Variants in DDAH1 observed in about 807,000 individuals in gnomAD.
DDAH1 encodes the protein dimethylarginine dimethylaminohydrolase 1.
A neutral mutation model predicts 28.8 loss-of-function variants in DDAH1; 19 were observed. That is an observed-to-expected ratio of 0.66 (90% CI 0.46 to 0.97). DDAH1 has a LOEUF of 0.97. Ranked by LOEUF, DDAH1 falls within the 50% of genes least tolerant of loss-of-function variation. DDAH1 has a pLI of 0.00. For missense variants in DDAH1, 326 were observed against 375.9 expected (o/e 0.87, Z 1.10); for synonymous variants, 153 against 154.4 (o/e 0.99, Z 0.07).
At chr1:85,452,914 T>G (rs1654728623) in intron 1 of DDAH1, among the ~76,000 whole-genome samples, 1 of 152,234 alleles carries the variant, frequency 6.6e-6, no homozygotes, top group Admixed American at 6.5e-5. Flanking sequence ...TAAACATTTT[T>G]GATAATCCAC....
upstream of DDAH1, among the ~76,000 whole-genome samples, chr1:85,465,626 A>C (rs144701484): frequency 6.6e-6 from 1 of 152,178 alleles, no homozygotes; most frequent in Admixed American, 6.5e-5. Flanking sequence ...CACGGGTCCC[A>C]GTTCTGTTTT....
chr1:85,411,403 G>A (rs1488524252), intron 1 of DDAH1, among the ~76,000 whole-genome samples: 1 of 152,152 alleles, frequency 6.6e-6, no homozygotes, highest in Non-Finnish European at 1.5e-5. Context: ...AAGGTAACAG[G>A]CCTGCCTTAA....
At chr1:85,555,326 T>A (rs972486904) in intron 1 of DDAH1, among the ~76,000 whole-genome samples, 5 of 152,254 alleles carry the variant, frequency 3.3e-5, no homozygotes, top group Non-Finnish European at 5.9e-5. Context: ...ACATTTATCG[T>A]CTGTCAGCCA....
At chr1:85,572,111 C>T (rs1659474289) in intron 1 of DDAH1, among the ~76,000 whole-genome samples, 1 of 152,174 alleles carries the variant, frequency 6.6e-6, no homozygotes, top group Admixed American at 6.5e-5. Flanking sequence ...ACGGATCTCT[C>T]AATCTCTGAG....
intron 1 of DDAH1, chr1:85,576,784 G>A (rs1659619468): frequency 6.6e-6 from 1 of 152,294 alleles, no homozygotes. Flanking sequence ...CGCAGCGCAG[G>A]GCGGACTTCG....
intron 1 of DDAH1, among the ~76,000 whole-genome samples, chr1:85,540,650 C>T (rs1015108660): frequency 3.9e-5 from 6 of 152,022 alleles, no homozygotes; most frequent in East Asian, 1.9e-4. Context: ...TGCATGTAAC[C>T]GGCTCTTTAA....
chr1:85,364,163 A>G (rs1222823922), intron 1 of DDAH1, among the ~76,000 whole-genome samples: 1 of 152,146 alleles, frequency 6.6e-6, no homozygotes, highest in Non-Finnish European at 1.5e-5. Flanking sequence ...TCCGGAGCCC[A>G]TCCTCATTTT....
intron 2 of DDAH1, among the ~76,000 whole-genome samples, chr1:85,472,920 G>A (rs986877087): frequency 5.3e-5 from 8 of 152,162 alleles, no homozygotes; most frequent in African/African-American, 1.7e-4. Context: ...TCGTCTTTAT[G>A]TCCAGGTGTA....
At chr1:85,357,200 C>A (rs895208189) in intron 2 of DDAH1, among the ~76,000 whole-genome samples, 1 of 152,162 alleles carries the variant, frequency 6.6e-6, no homozygotes, top group Non-Finnish European at 1.5e-5. Context: ...TGGGCACACC[C>A]AGAGATAAGA....
At chr1:85,564,105 G>C (rs1390420300) in intron 1 of DDAH1, among the ~76,000 whole-genome samples, 3 of 152,184 alleles carry the variant, frequency 2.0e-5, no homozygotes, top group Non-Finnish European at 4.4e-5. Context: ...CCTGGAGGCG[G>C]AAGTTGCAGT....
At chr1:85,322,278 C>A (rs958077817) in intron 5 of DDAH1, among the ~76,000 whole-genome samples, 20 of 152,208 alleles carry the variant, frequency 1.3e-4, no homozygotes, top group African/African-American at 3.9e-4. Context: ...ATTTTCTTAC[C>A]AACACTGCTG....
At chr1:85,485,717 T>A (rs1304854101) in intron 2 of DDAH1, among the ~76,000 whole-genome samples, 1 of 152,226 alleles carries the variant, frequency 6.6e-6, no homozygotes, top group Non-Finnish European at 1.5e-5. Context: ...ATTATATCAA[T>A]GGACGCATTT....
intron 4 of DDAH1, among the ~76,000 whole-genome samples, chr1:85,339,383 A>G: frequency 6.6e-6 from 1 of 152,240 alleles, no homozygotes; most frequent in East Asian, 1.9e-4. Flanking sequence ...AGCTACCTTT[A>G]ACATTTGCAA....
intron 1 of DDAH1, among the ~76,000 whole-genome samples, chr1:85,383,087 A>G (rs1180274920): frequency 6.6e-6 from 1 of 152,206 alleles, no homozygotes; most frequent in East Asian, 1.9e-4. Flanking sequence ...AAGTCTTATT[A>G]TTGAAGAAAT....
chr1:85,340,938 T>C (rs1648437508), intron 4 of DDAH1, among the ~76,000 whole-genome samples: 1 of 152,216 alleles, frequency 6.6e-6, no homozygotes, highest in African/African-American at 2.4e-5. Context: ...TTCCCCAGGC[T>C]GTCCTGTTTG....
intron 1 of DDAH1, among the ~76,000 whole-genome samples, chr1:85,549,902 G>C (rs576141551): frequency 6.6e-6 from 1 of 152,096 alleles, no homozygotes; most frequent in East Asian, 1.9e-4. Flanking sequence ...TTAACACTTC[G>C]ACTGGGGATC....
chr1:85,562,293 C>T (rs936283775), intron 1 of DDAH1, among the ~76,000 whole-genome samples: 3 of 152,000 alleles, frequency 2.0e-5, no homozygotes, highest in African/African-American at 4.8e-5. Context: ...ATCATAAATA[C>T]TTGAGGATAT....
At chr1:85,454,129 G>A (rs746718657) in intron 1 of DDAH1, among the ~76,000 whole-genome samples, 2 of 152,060 alleles carry the variant, frequency 1.3e-5, no homozygotes, top group Non-Finnish European at 1.5e-5. Context: ...TCCCCTCCCC[G>A]CCTCTGAAAA....
At chr1:85,576,715 G>A (rs145812708) in intron 1 of DDAH1, 9 of 152,528 alleles carry the variant, frequency 5.9e-5, no homozygotes, top group African/African-American at 2.2e-4. Flanking sequence ...TAGTCAACAG[G>A]GGGGCGGACG....
Sources: gnomAD v4.1 joint callset for allele counts (sites outside exome capture counted in the v4.1 genomes callset) on GRCh38, gnomAD v4.1.1 for gene constraint, MANE v1.5 for transcripts, NCBI Gene and HGNC (gene_info 2026-07-23, HGNC 2026-07-21) for gene names.